The following SULF1 variants were observed in gnomAD, a reference collection of about 807,000 sequenced individuals.
The protein encoded by SULF1 is extracellular sulfatase Sulf-1.
Under a neutral mutation model 110.5 loss-of-function variants are expected in SULF1, and 46 were observed. The observed-to-expected ratio is 0.42, with a 90% CI of 0.33 to 0.53. The LOEUF (loss-of-function observed/expected upper bound fraction) is 0.53, where lower values mean the gene tolerates loss of function less well. SULF1 is among the 20% of genes least tolerant of loss of function. The pLI, the probability that SULF1 is intolerant of heterozygous loss-of-function variation, is 0.12. For synonymous variants in SULF1, 371 were observed against 387.1 expected, an observed-to-expected ratio of 0.96 and a Z score of 0.49; for missense variants, 941 against 1,094.2, an observed-to-expected ratio of 0.86 and a Z score of 1.98.
chr8:69,648,131 T>A (rs1812068806), intron 22 of SULF1, among the ~76,000 whole-genome samples: 1 of 143,852 alleles, frequency 7.0e-6, no homozygotes, highest in Non-Finnish European at 1.5e-5. Flanking sequence ...GGAAACCCTG[T>A]GCCTTCAGAA....
In SULF1 at chr8:69,658,898, C is replaced by T. The variant is rs1421291044; in HGVS notation, c.*363C>T. 2.0e-6 allele frequency: 1 copy of T among 489,634 alleles called. No homozygotes were observed. The highest frequency in any genetic ancestry group is 2.3e-5 in the Admixed American group (1 of 43,536). The allele number at this position is 489,634 out of a possible 1,614,324, so 30.3% of individuals were successfully genotyped here. ...CATTTGAACCGACCAACATTAAGTC[C>T]AGAGAGTAAACTTGAATGGAATAAC... On this transcript the variant is annotated 3_prime_UTR_variant, in exon 23 of 23. Coordinates refer to ENST00000402687, the MANE Select transcript of SULF1 (RefSeq NM_001128205.2).
chr8:69,641,558 A>T (rs919128761), intron 22 of SULF1, among the ~76,000 whole-genome samples: 4 of 152,032 alleles, frequency 2.6e-5, no homozygotes, highest in African/African-American at 9.7e-5. Context: ...TAGCTTGGGC[A>T]ACAAAGTGAG....
chr8:69,627,982 GATAACCTAAGCT>G, intron 17 of SULF1, 116 bp downstream of exon 17: 2 of 893,844 alleles, frequency 2.2e-6, no homozygotes, highest in Middle Eastern at 2.2e-4. Flanking sequence ...CATAGAGTAC[GATAACCTAAGCT>G]ATTTAAGTAA....
At chr8:69,629,700 G>A (rs374447201) in intron 19 of SULF1, 21 bp downstream of exon 19, 6 of 1,571,988 alleles carry the variant, frequency 3.8e-6, no homozygotes, top group Admixed American at 1.9e-5. Context: ...TGTTCCAAAT[G>A]CCACTTCCTG....
At chr8:69,612,656 A>C (rs571274020) in intron 13 of SULF1, among the ~76,000 whole-genome samples, 15 of 152,186 alleles carry the variant, frequency 9.9e-5, no homozygotes, top group African/African-American at 3.6e-4. Flanking sequence ...TCTTCTTTTG[A>C]GAATTGTCTA....
At chr8:69,562,525 G>A (rs1452386170) in intron 3 of SULF1, among the ~76,000 whole-genome samples, 5 of 152,228 alleles carry the variant, frequency 3.3e-5, no homozygotes, top group African/African-American at 1.2e-4. Flanking sequence ...CCATAAAGAT[G>A]TTCCCTCATG....
intron 13 of SULF1, among the ~76,000 whole-genome samples, chr8:69,614,647 C>A (rs768438644): frequency 1.3e-5 from 2 of 152,224 alleles, no homozygotes; most frequent in Admixed American, 6.5e-5. Context: ...TATATACAGG[C>A]AGATATAATC....
chr8:69,522,769 A>G (rs77519843), intron 3 of SULF1, among the ~76,000 whole-genome samples: 8,051 of 152,276 alleles, frequency 0.053, 301 homozygotes, highest in Non-Finnish European at 0.082. Flanking sequence ...GGAGAATGTT[A>G]TCAACTGCAT....
At chr8:69,644,237 G>A (rs1053421747) in intron 22 of SULF1, among the ~76,000 whole-genome samples, 5 of 152,218 alleles carry the variant, frequency 3.3e-5, no homozygotes, top group Admixed American at 6.5e-5. Flanking sequence ...TGGTCATGGG[G>A]GTGGACGCTG....
intron 1 of SULF1, chr8:69,473,166 A>T (rs78116294): frequency 3.3e-5 from 5 of 152,254 alleles, no homozygotes; most frequent in African/African-American, 1.2e-4. Flanking sequence ...AAAAAAAAAA[A>T]TGTAGCTCTT....
intron 13 of SULF1, among the ~76,000 whole-genome samples, chr8:69,605,416 A>G (rs1055890380): frequency 1.3e-5 from 2 of 152,148 alleles, no homozygotes; most frequent in South Asian, 2.1e-4. Flanking sequence ...AAGAGAAACC[A>G]TATTCTGTTT....
intron 13 of SULF1, among the ~76,000 whole-genome samples, chr8:69,617,373 CTATATATATATATATATATATATATA>C (rs56381958): frequency 0.1 from 5,109 of 48,854 alleles, 466 homozygotes; most frequent in Middle Eastern, 0.27. Flanking sequence ...GCATGCTTAG[CTATATATATATATATATATATATATA>C]TATATATATA....
chr8:69,620,083 C>T lies in SULF1; in HGVS notation c.1378-952C>T, dbSNP rs117124333. ...GTGTTGGAGGTGGCTCTCAGTGGGA[C>T]GGATGGGGAGCCAGAAGCAGGGATG... On this transcript the variant is annotated intron_variant, in intron 13 of 22. Coordinates refer to ENST00000402687, the MANE Select transcript of SULF1 (RefSeq NM_001128205.2). Among the ~76,000 whole-genome samples, 56 of 152,120 alleles carry T rather than the reference C, an allele frequency of 3.7e-4. No homozygotes were observed. In the East Asian group the frequency reaches 7.7e-3, roughly 21 times the overall value.
intron 6 of SULF1, among the ~76,000 whole-genome samples, chr8:69,584,192 A>G (rs1007504248): frequency 9.2e-5 from 14 of 152,204 alleles, no homozygotes; most frequent in Non-Finnish European, 1.6e-4. Context: ...CGAAGTGGAA[A>G]GACCCTCCAT....
intron 22 of SULF1, among the ~76,000 whole-genome samples, chr8:69,656,465 T>C (rs899106981): frequency 1.3e-5 from 2 of 152,198 alleles, no homozygotes; most frequent in Non-Finnish European, 2.9e-5. Flanking sequence ...CCTGATGCTC[T>C]CTTTCTCCCA....
At chr8:69,561,776 T>C (rs757822339) in intron 3 of SULF1, among the ~76,000 whole-genome samples, 16 of 152,184 alleles carry the variant, frequency 1.1e-4, no homozygotes, top group Non-Finnish European at 2.2e-4. Flanking sequence ...CTCTAAGAAA[T>C]TTCTGTATTT....
chr8:69,624,176 C>A lies in SULF1; in HGVS notation c.1829C>A (p.Thr610Asn). 1 of 1,597,218 alleles carries A rather than the reference C, an allele frequency of 6.3e-7. No individual in the cohort carries two copies. The highest frequency in any genetic ancestry group is 8.5e-7 in the Non-Finnish European group (1 of 1,170,510). The change falls in exon 15 of 23, where the codon ACC becomes AAC. Residue 610 changes from threonine (T) to asparagine (N), a missense_variant. By Grantham distance (65) the Thr-to-Asn change is moderately conservative. Transcript: ENST00000402687. ...ADSSNAVGPPTTVRVTHKCFI... is the reference protein window; with the variant it reads ...ADSSNAVGPPNTVRVTHKCFI... ...AGCAGCAACGCCGTGGGCCCACCTA[C>A]CACTGTCCGAGTGACACACAAGTAA...
intron 6 of SULF1, among the ~76,000 whole-genome samples, chr8:69,583,195 T>C (rs970853340): frequency 7.2e-5 from 11 of 152,108 alleles, no homozygotes; most frequent in African/African-American, 2.7e-4. Context: ...AATAATATAA[T>C]AAGAAATAAC....
At chr8:69,598,286 G>A (rs1389580859) in intron 8 of SULF1, among the ~76,000 whole-genome samples, 1 of 152,170 alleles carries the variant, frequency 6.6e-6, no homozygotes, top group Non-Finnish European at 1.5e-5. Flanking sequence ...CTTGTTTATT[G>A]GCTCATGGAG....
Sources: gnomAD v4.1 joint callset for allele counts (sites outside exome capture counted in the v4.1 genomes callset) on GRCh38, gnomAD v4.1.1 for gene constraint, MANE v1.5 for transcripts, NCBI Gene and HGNC (gene_info 2026-07-23, HGNC 2026-07-21) for gene names.